Variants in GRIP1 observed in about 807,000 individuals in gnomAD.
GRIP1 encodes glutamate receptor-interacting protein 1.
Under a neutral mutation model 129.9 loss-of-function variants are expected in GRIP1, and 45 were observed. The observed-to-expected ratio is 0.35, with a 90% CI of 0.27 to 0.44. The LOEUF is 0.44. Among genes scored for constraint, GRIP1 ranks in the 20% least tolerant of loss-of-function variants. GRIP1 has a pLI of 1.00. For synonymous variants in GRIP1, 530 were observed against 520.8 expected (o/e 1.02, Z -0.24); for missense variants, 1,196 against 1,396.8 (o/e 0.86, Z 2.29).
intron 1 of GRIP1, among the ~76,000 whole-genome samples, chr12:66,789,125 A>G (rs1244789114): frequency 6.6e-6 from 1 of 152,222 alleles, no homozygotes; most frequent in Non-Finnish European, 1.5e-5. Flanking sequence ...TTGACAGAAT[A>G]TAGTATTTGA....
At chr12:66,917,036 T>G (rs1308639954) in intron 1 of GRIP1, among the ~76,000 whole-genome samples, 2 of 152,218 alleles carry the variant, frequency 1.3e-5, no homozygotes, top group African/African-American at 4.8e-5. Flanking sequence ...TTCCAAATTT[T>G]ATTATCTATT....
Position 66,379,181 on chromosome 12 carries a change from A to T in GRIP1, c.2621+99T>A. The T allele has an allele frequency of 2.4e-6, 3 of 1,253,094 alleles. No homozygotes were observed. In the South Asian group the frequency reaches 3.6e-5, roughly 15 times the overall value. 77.6% of individuals were successfully genotyped at this position (1,253,094 alleles called of 1,614,324 possible). On this transcript the variant is annotated intron_variant, in intron 20 of 24. Coordinates refer to ENST00000359742, the MANE Select transcript of GRIP1 (RefSeq NM_001366722.1). ...TGATTATGGTGGCTTTAAGAAGCCC[A>T]TACTAACAATATGTGCTACTGGAAG...
intron 2 of GRIP1, among the ~76,000 whole-genome samples, chr12:66,551,571 CTTTTTTTTTT>C (rs10719369): frequency 8.7e-6 from 1 of 114,458 alleles, no homozygotes; most frequent in Admixed American, 9.4e-5. Flanking sequence ...GGCTAGAATC[CTTTTTTTTTT>C]TTTTTTTTTT....
At chr12:66,464,962 T>G (rs182359209) in intron 8 of GRIP1, among the ~76,000 whole-genome samples, 1 of 151,186 alleles carries the variant, frequency 6.6e-6, no homozygotes, top group Non-Finnish European at 1.5e-5. Flanking sequence ...TTCTTTTTTT[T>G]TTTTTGAGAT....
chr12:66,638,767 T>A (rs2031649995), intron 1 of GRIP1, among the ~76,000 whole-genome samples: 1 of 152,186 alleles, frequency 6.6e-6, no homozygotes, highest in Non-Finnish European at 1.5e-5. Context: ...TTTTTTTGTC[T>A]TGGTCTCAGC....
At chr12:66,827,387 T>TGA (rs112366252) in intron 1 of GRIP1, among the ~76,000 whole-genome samples, 55 of 108,288 alleles carry the variant, frequency 5.1e-4, no homozygotes, top group Middle Eastern at 5.0e-3. Flanking sequence ...TGTGTGTGTG[T>TGA]GAGAGAGAGA....
At chr12:67,020,830 T>G (rs1054447213) in intron 1 of GRIP1, among the ~76,000 whole-genome samples, 1 of 152,140 alleles carries the variant, frequency 6.6e-6, no homozygotes, top group African/African-American at 2.4e-5. Context: ...CCCAGTGCAG[T>G]AGCTCGCACC....
intron 1 of GRIP1, among the ~76,000 whole-genome samples, chr12:66,633,935 G>T (rs2031097974): frequency 6.6e-6 from 1 of 152,172 alleles, no homozygotes; most frequent in African/African-American, 2.4e-5. Flanking sequence ...CAGAGTCCAG[G>T]ATAACCCTCA....
At chr12:66,665,001 C>T (rs2033716794) in intron 1 of GRIP1, among the ~76,000 whole-genome samples, 1 of 151,906 alleles carries the variant, frequency 6.6e-6, no homozygotes, top group South Asian at 2.1e-4. Context: ...AATTTCTTGG[C>T]TTACTAGGTT....
intron 1 of GRIP1, among the ~76,000 whole-genome samples, chr12:66,697,753 T>C (rs942106144): frequency 7.2e-5 from 11 of 152,146 alleles, no homozygotes; most frequent in African/African-American, 2.7e-4. Context: ...TGTAAGGAAG[T>C]GAAAAGCAAC....
intron 1 of GRIP1, among the ~76,000 whole-genome samples, chr12:67,028,001 T>C (rs537067537): frequency 1.3e-5 from 2 of 152,178 alleles, no homozygotes; most frequent in Non-Finnish European, 2.9e-5. Flanking sequence ...TCCAGATGTG[T>C]AGGTAACATA....
At chr12:66,810,057 T>C (rs904918410) in intron 1 of GRIP1, among the ~76,000 whole-genome samples, 5 of 152,306 alleles carry the variant, frequency 3.3e-5, no homozygotes, top group Non-Finnish European at 7.3e-5. Flanking sequence ...AGTTAAATCC[T>C]TGCAACCACT....
chr12:66,966,852 C>T (rs2042005051), intron 1 of GRIP1, among the ~76,000 whole-genome samples: 1 of 152,146 alleles, frequency 6.6e-6, no homozygotes. Flanking sequence ...CATAAAGTCG[C>T]TTCCTTGCCC....
intron 2 of GRIP1, among the ~76,000 whole-genome samples, chr12:66,560,622 A>G (rs1002021526): frequency 6.6e-6 from 1 of 152,182 alleles, no homozygotes; most frequent in Admixed American, 6.6e-5. Flanking sequence ...CAAAACTACA[A>G]TTAAATATAA....
At chr12:66,872,325 C>G (rs990895028) in intron 1 of GRIP1, among the ~76,000 whole-genome samples, 1 of 152,062 alleles carries the variant, frequency 6.6e-6, no homozygotes, top group Non-Finnish European at 1.5e-5. Flanking sequence ...CATCAGGCAA[C>G]AGCACAGGTT....
At chr12:66,912,553 A>C (rs2041047616) in intron 1 of GRIP1, among the ~76,000 whole-genome samples, 1 of 152,160 alleles carries the variant, frequency 6.6e-6, no homozygotes. Context: ...TAAGGGAAAA[A>C]CAAATATTTT....
chr12:66,636,715 C>CTGTGTGTGTGTG lies in GRIP1; in HGVS notation c.56-39800_56-39789dup, dbSNP rs113361426. Among the ~76,000 whole-genome samples the CTGTGTGTGTGTG allele has an allele frequency of 4.9e-3, 717 of 145,192 alleles. 7 individuals carry two copies. The highest frequency in any genetic ancestry group is 0.014 in the African/African-American group (540 of 39,066). ...TAAAACAGGGGGAGACATTAGATCT[C>CTGTGTGTGTGTG]TGTGTGTGTGTGTGTGTGTGTGTGT... is the stretch of plus-strand genomic sequence containing the variant. On this transcript the variant is annotated intron_variant, in intron 1 of 24. Transcript: ENST00000359742.
chr12:66,739,346 T>C (rs1249301442), intron 1 of GRIP1, among the ~76,000 whole-genome samples: 1 of 152,102 alleles, frequency 6.6e-6, no homozygotes, highest in Non-Finnish European at 1.5e-5. Context: ...GAATGTATGG[T>C]GGAGCCAGCA....
chr12:66,751,062 A>T (rs1044010370), intron 1 of GRIP1, among the ~76,000 whole-genome samples: 36 of 152,066 alleles, frequency 2.4e-4, no homozygotes, highest in Middle Eastern at 3.4e-3. Flanking sequence ...ATTTAAAAAA[A>T]TTTTTTTAAG....
Sources: allele counts gnomAD v4.1 joint callset (sites outside exome capture counted in the v4.1 genomes callset), GRCh38; gene constraint gnomAD v4.1.1; transcripts MANE v1.5; gene names NCBI Gene and HGNC (gene_info 2026-07-23, HGNC 2026-07-21).